DLGAP5: variants seen among roughly 807,000 people sequenced by gnomAD.
DLGAP5 encodes the protein DLG associated protein 5, also known as disks large-associated protein 5.
In DLGAP5, 90 loss-of-function variants were observed where a neutral mutation model predicts 99.6. The ratio of observed to expected loss-of-function variants is 0.90; its 90% confidence interval spans 0.76 to 1.08. The LOEUF is 1.08. Ranked by LOEUF, DLGAP5 falls within the 50% of genes least tolerant of loss-of-function variation. DLGAP5 has a pLI of 0.00. For synonymous variants in DLGAP5, 311 were observed against 321.3 expected, an observed-to-expected ratio of 0.97 and a Z score of 0.34; for missense variants, 1,036 against 983.5, an observed-to-expected ratio of 1.05 and a Z score of -0.71.
At chr14:55,189,494 A>G (rs551961471) in intron 1 of DLGAP5, among the ~76,000 whole-genome samples, 1 of 152,264 alleles carries the variant, frequency 6.6e-6, no homozygotes, top group South Asian at 2.1e-4. Context: ...AAAGGTGAAA[A>G]TAGGTTAAGT....
Position 55,181,217 on chromosome 14 carries a change from T to C in DLGAP5, c.576A>G (p.Lys192=), listed in dbSNP as rs370056649. The part of the protein sequence containing the change: ...TSEKKVSDKE[K]KVVQPVMPTS... ...AGTAATTGCTAATATTCCTACCTTT[T>C]TTCTCTTTGTCTGACACTTTCTTTT... Residue 192 remains lysine (K), a synonymous_variant, in exon 5 of 19, where the codon AAA becomes AAG. Coordinates refer to ENST00000247191, the MANE Select transcript of DLGAP5 (RefSeq NM_014750.5). The C allele has an allele frequency of 1.5e-5, 24 of 1,613,602 alleles. No homozygotes were observed. Among genetic ancestry groups the C allele is most frequent in the African/African-American group, 5.3e-5 (4 of 74,908 alleles).
intron 18 of DLGAP5, 189 bp from the exon 19 acceptor site, chr14:55,148,662 C>T (rs752442821): frequency 3.5e-5 from 42 of 1,192,134 alleles, no homozygotes; most frequent in Admixed American, 2.0e-4. Flanking sequence ...AAGACCAGCC[C>T]GAGCAACATA....
chr14:55,177,244 T>C lies in DLGAP5; in HGVS notation c.867A>G (p.Lys289=). The change falls in exon 8 of 19, where the codon AAA becomes AAG. Residue 289 remains lysine, a synonymous_variant. Coordinates refer to ENST00000247191, the MANE Select transcript of DLGAP5 (RefSeq NM_014750.5). Reference sequence around the variant, plus strand: ...TATTTATCTCAGGTAAGTTTTCCATTTTTGATAAGACTCCATCTGGATTCA... The same window carrying C: ...TATTTATCTCAGGTAAGTTTTCCATCTTTGATAAGACTCCATCTGGATTCA... ...SGMNPDGVLS[K]MENLPEINTA... 2 of 1,613,708 alleles carry C rather than the reference T, an allele frequency of 1.2e-6. No homozygotes were observed. The highest frequency in any genetic ancestry group is 1.7e-6 in the Non-Finnish European group (2 of 1,179,874).
chr14:55,185,844 A>C (rs115710483), intron 2 of DLGAP5, among the ~76,000 whole-genome samples: 1,539 of 152,348 alleles, frequency 0.01, 27 homozygotes, highest in African/African-American at 0.036. Context: ...TCTAATATAC[A>C]CACAATTATA....
At chr14:55,185,835 C>A (rs1325911370) in intron 2 of DLGAP5, among the ~76,000 whole-genome samples, 12 of 152,196 alleles carry the variant, frequency 7.9e-5, no homozygotes, top group Non-Finnish European at 1.6e-4. Flanking sequence ...TGAAAAACTT[C>A]TAATATACAC....
At chr14:55,171,738 G>A (rs781311422) in intron 10 of DLGAP5, among the ~76,000 whole-genome samples, 3 of 152,150 alleles carry the variant, frequency 2.0e-5, no homozygotes, top group Non-Finnish European at 2.9e-5. Flanking sequence ...CAGACAAAGG[G>A]ATAAGCAAAA....
intron 1 of DLGAP5, among the ~76,000 whole-genome samples, chr14:55,189,664 G>C (rs931347621): frequency 5.9e-5 from 9 of 152,192 alleles, no homozygotes; most frequent in African/African-American, 2.2e-4. Context: ...GATACAGATA[G>C]AGTTGGATAG....
At chr14:55,186,267 G>A (rs1360495248) in intron 2 of DLGAP5, among the ~76,000 whole-genome samples, 3 of 152,024 alleles carry the variant, frequency 2.0e-5, no homozygotes, top group African/African-American at 2.4e-5. Context: ...GCAAAACTCC[G>A]TCTCAAAAAA....
intron 2 of DLGAP5, among the ~76,000 whole-genome samples, chr14:55,185,189 T>C (rs75389174): frequency 0.01 from 1,575 of 152,284 alleles, 29 homozygotes; most frequent in African/African-American, 0.036. Flanking sequence ...GTATCTCTAC[T>C]ATCAACACTT....
At chr14:55,167,626 T>C (rs751031583) in intron 12 of DLGAP5, among the ~76,000 whole-genome samples, 44 of 152,170 alleles carry the variant, frequency 2.9e-4, no homozygotes, top group Non-Finnish European at 5.4e-4. Context: ...CTCATCTTTG[T>C]GAAGGACATT....
chr14:55,184,895 A>C (rs1883383363), intron 2 of DLGAP5, among the ~76,000 whole-genome samples: 1 of 152,214 alleles, frequency 6.6e-6, no homozygotes, highest in African/African-American at 2.4e-5. Flanking sequence ...TGACCCACAA[A>C]AATTGTATGA....
At chr14:55,187,805 C>G (rs1594686805) in intron 2 of DLGAP5, among the ~76,000 whole-genome samples, 3 of 152,136 alleles carry the variant, frequency 2.0e-5, no homozygotes, top group African/African-American at 7.2e-5. Context: ...CCTTTTAAAA[C>G]ATGAATCAGA....
rs187435485 is a variant in DLGAP5 at position 55,158,970 on chromosome 14, G to C, written c.1654-229C>G. 2.2e-3 allele frequency among the ~76,000 whole-genome samples: 335 copies of C among 151,632 alleles called. 1 individual carries two copies. Among genetic ancestry groups the C allele is most frequent in the African/African-American group, 7.7e-3 (318 of 41,300 alleles). ...GTTTGCAGCTTAGTAGAAGATCTGG[G>C]AAGAATAGTAAGAAGGATAAATGTC... On this transcript the variant is annotated intron_variant, in intron 13 of 18. Transcript: ENST00000247191.
rs188452145 is a variant in DLGAP5 at position 55,182,301 on chromosome 14, A to T, written c.495+69T>A. The stretch of plus-strand genomic sequence containing the variant: ...TATGTTTGAATCTGATACTAGATTT[A>T]AAATGAATTTACTTACTAAAAAAGT... On this transcript the variant is annotated intron_variant, in intron 4 of 18. Coordinates refer to ENST00000247191, the MANE Select transcript of DLGAP5 (RefSeq NM_014750.5). 7.0e-5 allele frequency: 92 copies of T among 1,306,664 alleles called. No individual in the cohort carries two copies. In the African/African-American group the frequency reaches 1.0e-3, roughly 14 times the overall value. 80.9% of individuals were successfully genotyped at this position (1,306,664 alleles called of 1,614,324 possible). A position where few individuals can be genotyped will look rare whatever the true frequency, so the allele number is the denominator to read the frequency against.
At chr14:55,169,986 T>C (rs756417733) in intron 11 of DLGAP5, among the ~76,000 whole-genome samples, 10 of 151,832 alleles carry the variant, frequency 6.6e-5, no homozygotes, top group Non-Finnish European at 1.0e-4. Context: ...AATACAAAAA[T>C]CAGCTGGGCC....
chr14:55,151,389 C>T lies in DLGAP5; in HGVS notation c.2368+306G>A, dbSNP rs528507936. Among the ~76,000 whole-genome samples, 5 of 152,148 alleles carry T rather than the reference C, an allele frequency of 3.3e-5. No homozygotes were observed. The East Asian group carries it at 9.7e-4, about 29-fold the overall frequency. ...CCAATGTGGTGAAACTCTGTCTCTA[C>T]TAAAAATAAAAAAATTAGCTAGGCG... On this transcript the variant is annotated intron_variant, in intron 17 of 18. Transcript: ENST00000247191.
Position 55,158,609 on chromosome 14 carries a change from C to T in DLGAP5, c.1786G>A (p.Ala596Thr). Residue 596 changes from alanine (A) to threonine (T), a missense_variant, in exon 14 of 19, where the codon GCA becomes ACA. By Grantham distance (58) the Ala-to-Thr change is moderately conservative. Coordinates refer to ENST00000247191, the MANE Select transcript of DLGAP5 (RefSeq NM_014750.5). ...ACTTCCTTTGGTATCACAGAAACTG[C>T]TGTTTCAGCACATTCTTCCTGCCTA... is the stretch of plus-strand genomic sequence containing the variant. Reference protein sequence around the residue: ...RIRQEECAETAVSVIPKEVDK... With the variant: ...RIRQEECAETTVSVIPKEVDK... 6.2e-7 allele frequency: 1 copy of T among 1,614,134 alleles called. No individual in the cohort carries two copies. The highest frequency in any genetic ancestry group is 2.2e-5 in the East Asian group (1 of 44,868).
Position 55,175,445 on chromosome 14 carries a change from G to A in DLGAP5, c.1202C>T (p.Thr401Ile). The A allele has an allele frequency of 1.4e-6, 2 of 1,386,532 alleles. No homozygotes were observed. The highest frequency in any genetic ancestry group is 2.0e-6 in the Non-Finnish European group (2 of 987,416). The allele number at this position is 1,386,532 out of a possible 1,614,324, so 85.9% of individuals were successfully genotyped here. A position where few individuals can be genotyped will look rare whatever the true frequency, so the allele number is the denominator to read the frequency against. The change falls in exon 10 of 19, where the codon ACT becomes ATT. Residue 401 changes from threonine (T) to isoleucine (I), a missense_variant. Thr to Ile is a moderately conservative substitution (Grantham distance 89, BLOSUM62 -1). Transcript: ENST00000247191. ...TGGAAGGCCATTTAAATTTTTAGTAGTAGCTTCATTTTTATTTAAAACATG... is the reference window on the plus strand; with the variant it reads ...TGGAAGGCCATTTAAATTTTTAGTAATAGCTTCATTTTTATTTAAAACATG... ...EEHVLNKNEA[T>I]TKNLNGLPIK... is the part of the protein sequence containing the mutation.
At chr14:55,171,368 G>A (rs979497892) in intron 10 of DLGAP5, among the ~76,000 whole-genome samples, 6 of 152,070 alleles carry the variant, frequency 3.9e-5, no homozygotes, top group Admixed American at 1.3e-4. Flanking sequence ...AACATCCTAC[G>A]ATGTATAGGA....
Sources: allele counts gnomAD v4.1 joint callset (sites outside exome capture counted in the v4.1 genomes callset), GRCh38; gene constraint gnomAD v4.1.1; transcripts MANE v1.5; gene names NCBI Gene and HGNC (gene_info 2026-07-23, HGNC 2026-07-21).